PPP3R1: variants seen among roughly 807,000 people sequenced by gnomAD.
The protein encoded by PPP3R1 is calcineurin subunit B type 1.
Under a neutral mutation model 22.6 loss-of-function variants are expected in PPP3R1, and 5 were observed. The ratio of observed to expected loss-of-function variants is 0.22; its 90% CI spans 0.12 to 0.46. The LOEUF (loss-of-function observed/expected upper bound fraction) is 0.46. PPP3R1 is among the 20% of genes least tolerant of loss of function. The pLI is 0.99. For missense variants in PPP3R1, 61 were observed against 203.2 expected (o/e 0.30, Z 4.25); for synonymous variants, 56 against 65.2 (o/e 0.86, Z 0.68).
chr2:68,197,690 A>G (rs1018748469), intron 2 of PPP3R1, among the ~76,000 whole-genome samples: 1 of 152,054 alleles, frequency 6.6e-6, no homozygotes, highest in African/African-American at 2.4e-5. Context: ...CGTTATGTAA[A>G]AGATTTGTGA....
Position 68,187,327 on chromosome 2 carries a change from T to A in PPP3R1, c.221-13A>T. The A allele has an allele frequency of 6.2e-7, 1 of 1,603,258 alleles. No individual in the cohort carries two copies. The highest frequency in any genetic ancestry group is 1.1e-5 in the South Asian group (1 of 89,252). On this transcript the variant is annotated splice_polypyrimidine_tract_variant and intron_variant, in intron 3 of 5. Transcript: ENST00000234310. ...CCCTCAATGAATTCTGAATAAGAGTTAAAAATGTTCACAAATCAGAACTTC... is the reference window on the plus strand; with the variant it reads ...CCCTCAATGAATTCTGAATAAGAGTAAAAAATGTTCACAAATCAGAACTTC...
chr2:68,198,378 T>C (rs74185756), intron 2 of PPP3R1, among the ~76,000 whole-genome samples: 97 of 71,324 alleles, frequency 1.4e-3, no homozygotes, highest in African/African-American at 5.2e-3. Context: ...TATGTACATG[T>C]ATATGCATAT....
At chr2:68,229,224 C>T (rs1032978544) in intron 1 of PPP3R1, among the ~76,000 whole-genome samples, 3 of 151,766 alleles carry the variant, frequency 2.0e-5, no homozygotes, top group South Asian at 4.2e-4. Context: ...ATTGCCCAGG[C>T]TCGTCTCAAA....
chr2:68,207,973 T>C (rs1383909238), intron 2 of PPP3R1, among the ~76,000 whole-genome samples: 2 of 152,130 alleles, frequency 1.3e-5, no homozygotes, highest in African/African-American at 4.8e-5. Flanking sequence ...CTTGCCAACA[T>C]GGTGAAACCT....
chr2:68,182,459 A>T (rs192004079), intron 5 of PPP3R1, among the ~76,000 whole-genome samples: 100 of 151,892 alleles, frequency 6.6e-4, no homozygotes, highest in African/African-American at 2.3e-3. Context: ...TCTATCTCCT[A>T]CCCTACACAC....
intron 1 of PPP3R1, among the ~76,000 whole-genome samples, chr2:68,220,989 C>A (rs1462051057): frequency 6.6e-6 from 1 of 152,040 alleles, no homozygotes; most frequent in Non-Finnish European, 1.5e-5. Context: ...GGTTGTACTA[C>A]ATTATAAATG....
chr2:68,250,601 A>G (rs1395689926), intron 1 of PPP3R1, among the ~76,000 whole-genome samples: 1 of 152,250 alleles, frequency 6.6e-6, no homozygotes, highest in Non-Finnish European at 1.5e-5. Context: ...CTATGCCAAC[A>G]AAAAGATTAT....
intron 1 of PPP3R1, among the ~76,000 whole-genome samples, chr2:68,237,967 C>A (rs1670048788): frequency 6.6e-6 from 1 of 152,066 alleles, no homozygotes; most frequent in Admixed American, 6.6e-5. Flanking sequence ...AAGTAACAAC[C>A]TGACATATAA....
At chr2:68,218,632 C>T (rs542768203) in intron 1 of PPP3R1, among the ~76,000 whole-genome samples, 11 of 149,694 alleles carry the variant, frequency 7.3e-5, no homozygotes, top group African/African-American at 2.5e-4. Context: ...TTTTTTTTTC[C>T]TTATTCCACT....
chr2:68,194,751 AAAATG>A (rs1427024481), intron 2 of PPP3R1, among the ~76,000 whole-genome samples: 1 of 152,168 alleles, frequency 6.6e-6, no homozygotes, highest in Non-Finnish European at 1.5e-5. Flanking sequence ...GAATGAAGAG[AAAATG>A]AAATAAACAG....
chr2:68,219,584 G>A (rs1269090546), intron 1 of PPP3R1, among the ~76,000 whole-genome samples: 2 of 152,112 alleles, frequency 1.3e-5, no homozygotes, highest in Non-Finnish European at 2.9e-5. Flanking sequence ...ACATCAGTTT[G>A]TAAATTATTA....
chr2:68,249,901 AAG>A (rs1670310674), intron 1 of PPP3R1, among the ~76,000 whole-genome samples: 1 of 152,194 alleles, frequency 6.6e-6, no homozygotes, highest in Non-Finnish European at 1.5e-5. Flanking sequence ...TAAGAGTTCT[AAG>A]AGAGATTTTC....
chr2:68,235,662 T>A (rs373802665), intron 1 of PPP3R1, among the ~76,000 whole-genome samples: 7 of 152,338 alleles, frequency 4.6e-5, no homozygotes, highest in Middle Eastern at 3.4e-3. Flanking sequence ...ATTATGAACA[T>A]TCATGTCCAA....
chr2:68,209,389 A>C (rs1172366686), intron 2 of PPP3R1, among the ~76,000 whole-genome samples: 2 of 131,022 alleles, frequency 1.5e-5, no homozygotes, highest in Non-Finnish European at 3.3e-5. Flanking sequence ...AAAAAAAAAA[A>C]AACTGTGGAA....
chr2:68,249,299 GT>G (rs566925733), intron 1 of PPP3R1, among the ~76,000 whole-genome samples: 11,764 of 148,442 alleles, frequency 0.079, 1,470 homozygotes, highest in African/African-American at 0.27. Context: ...CATAAGACAG[GT>G]TTTTTTTTTT....
At chr2:68,242,461 C>T (rs865806306) in intron 1 of PPP3R1, among the ~76,000 whole-genome samples, 2 of 151,442 alleles carry the variant, frequency 1.3e-5, no homozygotes, top group African/African-American at 4.8e-5. Context: ...AAGAAATGTA[C>T]GAACAGACGT....
At chr2:68,229,595 CTA>C (rs1270166865) in intron 1 of PPP3R1, among the ~76,000 whole-genome samples, 6 of 152,094 alleles carry the variant, frequency 3.9e-5, no homozygotes, top group Non-Finnish European at 7.4e-5. Flanking sequence ...TTTAAAACTG[CTA>C]TGTCTTCTTA....
intron 1 of PPP3R1, among the ~76,000 whole-genome samples, chr2:68,241,547 TAGA>T (rs1169761571): frequency 6.6e-6 from 1 of 152,136 alleles, no homozygotes; most frequent in Non-Finnish European, 1.5e-5. Context: ...TGCTGGTAAT[TAGA>T]AGATTACTGA....
intron 1 of PPP3R1, among the ~76,000 whole-genome samples, chr2:68,251,370 A>G (rs1372636405): frequency 6.6e-6 from 1 of 152,238 alleles, no homozygotes; most frequent in East Asian, 1.9e-4. Flanking sequence ...AGAAGGTACC[A>G]AAGAAAATGA....
Sources: gnomAD v4.1 joint callset for allele counts (sites outside exome capture counted in the v4.1 genomes callset) on GRCh38, gnomAD v4.1.1 for gene constraint, MANE v1.5 for transcripts, NCBI Gene and HGNC (gene_info 2026-07-23, HGNC 2026-07-21) for gene names.